Variants in DAB2IP observed in about 807,000 individuals in gnomAD.
DAB2IP encodes the protein disabled homolog 2-interacting protein.
A neutral mutation model predicts 107.2 loss-of-function variants in DAB2IP; 28 were observed. The ratio of observed to expected loss-of-function variants is 0.26; its 90% confidence interval spans 0.19 to 0.36. The LOEUF is 0.36. Ranked by LOEUF, DAB2IP falls within the 10% of genes least tolerant of loss-of-function variation. The probability of loss-of-function intolerance (pLI) is 1.00; values close to 1 mark genes in which losing one functional copy is unlikely to be tolerated. For synonymous variants in DAB2IP, 755 were observed against 706.4 expected (o/e 1.07, Z -1.09); for missense variants, 1,400 against 1,644.7 (o/e 0.85, Z 2.57).
intron 1 of DAB2IP, among the ~76,000 whole-genome samples, chr9:121,641,892 C>CCTTTCTTTCTTTCTCTTTCTTTCTTT (rs1554718108): frequency 2.2e-5 from 2 of 89,332 alleles, no homozygotes; most frequent in African/African-American, 1.1e-4. Context: ...CATTTCTTTC[C>CCTTTCTTTCTTTCTCTTTCTTTCTTT]CTTTCTTTCT....
At chr9:121,628,298 C>T (rs1349280300) in intron 1 of DAB2IP, among the ~76,000 whole-genome samples, 2 of 151,664 alleles carry the variant, frequency 1.3e-5, no homozygotes, top group South Asian at 2.1e-4. Flanking sequence ...ATTAGGTGGG[C>T]CCCCCCCATC....
chr9:121,627,251 G>A (rs1323992169), intron 1 of DAB2IP, among the ~76,000 whole-genome samples: 3 of 151,866 alleles, frequency 2.0e-5, no homozygotes, highest in African/African-American at 4.8e-5. Flanking sequence ...CGAAGTCCAC[G>A]GTGTCGGTAT....
intron 2 of DAB2IP, among the ~76,000 whole-genome samples, chr9:121,691,570 T>C (rs1479279947): frequency 6.6e-6 from 1 of 151,690 alleles, no homozygotes; most frequent in Non-Finnish European, 1.5e-5. Flanking sequence ...ACCGCAATGA[T>C]AGCAGTTCGT....
At chr9:121,669,476 T>C (rs575650902) in intron 1 of DAB2IP, among the ~76,000 whole-genome samples, 2 of 152,092 alleles carry the variant, frequency 1.3e-5, no homozygotes, top group Non-Finnish European at 2.9e-5. Context: ...AGAAAGTGTG[T>C]GTTAGGAAGA....
At chr9:121,738,341 T>C (rs534999120) in intron 3 of DAB2IP, among the ~76,000 whole-genome samples, 9 of 152,318 alleles carry the variant, frequency 5.9e-5, no homozygotes, top group African/African-American at 2.2e-4. Flanking sequence ...TGTCTGTCTC[T>C]CTCTCTCTCA....
intron 4 of DAB2IP, 115 bp downstream of exon 4, chr9:121,757,281 C>T (rs1322489273): frequency 1.4e-6 from 2 of 1,384,986 alleles, no homozygotes; most frequent in Non-Finnish European, 1.9e-6. Flanking sequence ...GGGCCAGGGT[C>T]TTGGGGACAG....
chr9:121,621,157 C>T (rs1470895991), intron 1 of DAB2IP, among the ~76,000 whole-genome samples: 2 of 152,156 alleles, frequency 1.3e-5, no homozygotes, highest in African/African-American at 4.8e-5. Context: ...CATCCCTGCC[C>T]TCACTGCCCA....
intron 3 of DAB2IP, among the ~76,000 whole-genome samples, chr9:121,716,846 C>G (rs952240590): frequency 6.6e-6 from 1 of 152,242 alleles, no homozygotes; most frequent in African/African-American, 2.4e-5. Context: ...ATGGTCAACC[C>G]TGCAGTCACT....
Position 121,698,759 on chromosome 9 carries a change from G to A in DAB2IP, c.229-566G>A, listed in dbSNP as rs1829564291. Reference sequence around the variant, plus strand: ...GCCAGCCGGCGCCTCAGCCGACCACGCGCCCGCTCTCATCGGTACCACCGA... The same window carrying A: ...GCCAGCCGGCGCCTCAGCCGACCACACGCCCGCTCTCATCGGTACCACCGA... On this transcript the variant is annotated intron_variant, in intron 2 of 15. Coordinates refer to ENST00000408936, the Ensembl canonical transcript of DAB2IP. The surrounding 1 kb of genome is among the most constrained non-coding windows in gnomAD (Gnocchi z 4.1). 6.6e-6 allele frequency among the ~76,000 whole-genome samples: 1 copy of A among 152,194 alleles called. No individual in the cohort carries two copies. Among genetic ancestry groups the A allele is most frequent in the Non-Finnish European group, 1.5e-5 (1 of 68,042 alleles).
intron 2 of DAB2IP, among the ~76,000 whole-genome samples, chr9:121,686,135 G>T (rs891989763): frequency 2.6e-5 from 4 of 152,172 alleles, no homozygotes; most frequent in African/African-American, 9.7e-5. Context: ...ATGGGGTTGG[G>T]GGGACAAGCA....
intron 1 of DAB2IP, among the ~76,000 whole-genome samples, chr9:121,610,769 G>T (rs1211519158): frequency 2.6e-5 from 4 of 152,132 alleles, no homozygotes; most frequent in African/African-American, 9.7e-5. Context: ...CAGGTACAGC[G>T]GTATGCAGGC....
At position 121,760,576 on chromosome 9, in the gene DAB2IP, C is replaced by T; in HGVS notation, c.1170+137C>T. The T allele has an allele frequency of 9.1e-7, 1 of 1,095,672 alleles. No individual in the cohort carries two copies. Among genetic ancestry groups the T allele is most frequent in the Non-Finnish European group, 1.3e-6 (1 of 791,364 alleles). 67.9% of individuals were successfully genotyped at this position (1,095,672 alleles called of 1,614,324 possible). ...CACTACCAGAAGGGCTCCCTAAACCCAAAAGTTCTATCGTGGGCTGGGGGT... is the reference window on the plus strand; with the variant it reads ...CACTACCAGAAGGGCTCCCTAAACCTAAAAGTTCTATCGTGGGCTGGGGGT... On this transcript the variant is annotated intron_variant, in intron 6 of 15. Transcript: ENST00000408936. The surrounding 1 kb of genome is among the most constrained non-coding windows in gnomAD (Gnocchi z 5.9).
chr9:121,668,491 G>A (rs542489491), intron 1 of DAB2IP, among the ~76,000 whole-genome samples: 33 of 152,164 alleles, frequency 2.2e-4, no homozygotes, highest in African/African-American at 5.5e-4. Flanking sequence ...TTCCTGCCTC[G>A]GCCTCCCAAA....
intron 3 of DAB2IP, among the ~76,000 whole-genome samples, chr9:121,734,834 C>A (rs928080233): frequency 3.9e-5 from 6 of 152,342 alleles, no homozygotes; most frequent in African/African-American, 1.4e-4. Context: ...CTTAGCTATT[C>A]CAGACTTGAT....
intron 1 of DAB2IP, among the ~76,000 whole-genome samples, chr9:121,618,998 G>T (rs945150999): frequency 1.3e-5 from 2 of 152,178 alleles, no homozygotes; most frequent in African/African-American, 4.8e-5. Context: ...AGCCAATTAT[G>T]TGGTTGGGAG....
chr9:121,668,778 AG>A (rs1420521544), intron 1 of DAB2IP, among the ~76,000 whole-genome samples: 1 of 152,164 alleles, frequency 6.6e-6, no homozygotes, highest in Non-Finnish European at 1.5e-5. Context: ...TCTGATAACA[AG>A]TTTTTGGCTA....
At chr9:121,629,029 C>A (rs116599612) in intron 1 of DAB2IP, among the ~76,000 whole-genome samples, 3,194 of 152,258 alleles carry the variant, frequency 0.021, 119 homozygotes, top group African/African-American at 0.073. Context: ...CAATCACTTG[C>A]GCCTGGAGTG....
chr9:121,764,001 T>C (rs953768857), intron 8 of DAB2IP, 122 bp downstream of exon 8: 5 of 1,371,914 alleles, frequency 3.6e-6, no homozygotes, highest in Non-Finnish European at 5.0e-6. Context: ...GCCAGTCCCC[T>C]GGCCTAGTCC....
At chr9:121,710,558 C>T (rs1250966451) in intron 3 of DAB2IP, among the ~76,000 whole-genome samples, 2 of 152,144 alleles carry the variant, frequency 1.3e-5, no homozygotes. Context: ...GCTGTGGCTG[C>T]GTTTGGATCT....
Sources: allele counts gnomAD v4.1 joint callset (sites outside exome capture counted in the v4.1 genomes callset), GRCh38; gene constraint gnomAD v4.1.1; non-coding constraint Gnocchi (gnomAD v3.1); transcripts MANE v1.5; gene names NCBI Gene and HGNC (gene_info 2026-07-23, HGNC 2026-07-21).